Variants in RHOU observed in about 807,000 individuals in gnomAD.
RHOU encodes the protein ras homolog family member U, also known as rho-related GTP-binding protein RhoU.
Under a neutral mutation model 12.6 loss-of-function variants are expected in RHOU, and 8 were observed. That is an observed-to-expected ratio of 0.64 (90% CI 0.37 to 1.15). RHOU has a LOEUF of 1.15. RHOU is among the 50% of genes most tolerant of loss of function. RHOU has a pLI of 0.01. For synonymous variants in RHOU, 161 were observed against 147.4 expected, an observed-to-expected ratio of 1.09 and a Z score of -0.67; for missense variants, 258 against 347.0, an observed-to-expected ratio of 0.74 and a Z score of 2.04.
At chr1:228,671,679 C>G in the RHOU span, among the ~76,000 whole-genome samples, 1 of 138,462 alleles carries the variant, frequency 7.2e-6, no homozygotes, top group Non-Finnish European at 1.5e-5. Flanking sequence ...GGCCACTGCA[C>G]TCCAGCCTGG....
chr1:228,690,401 C>T, the RHOU span, among the ~76,000 whole-genome samples: 1 of 151,882 alleles, frequency 6.6e-6, no homozygotes, highest in South Asian at 2.1e-4. Flanking sequence ...TCTCGGCTCA[C>T]CGCAACCTCC....
At chr1:228,647,840 GAGC>G in the RHOU span, 5 of 152,440 alleles carry the variant, frequency 3.3e-5, no homozygotes, top group African/African-American at 1.2e-4. Flanking sequence ...TGAAAAGAGG[GAGC>G]AGATTTACGG....
At chr1:228,717,826 C>T in the RHOU span, among the ~76,000 whole-genome samples, 1 of 152,198 alleles carries the variant, frequency 6.6e-6, no homozygotes, top group Admixed American at 6.5e-5. Flanking sequence ...ATGGACAGCT[C>T]CCATGAATCC....
chr1:228,735,914 G>A lies in RHOU; in HGVS notation c.172G>A (p.Gly58Ser). The A allele has an allele frequency of 1.3e-6, 2 of 1,560,516 alleles. No homozygotes were observed. Among genetic ancestry groups the A allele is most frequent in the East Asian group, 2.6e-5 (1 of 38,456 alleles). Residue 58 changes from glycine to serine, a missense_variant, in exon 1 of 3, where the codon GGC (glycine) becomes AGC (serine). Physicochemically the swap from Gly to Ser is moderately conservative, Grantham distance 56. Transcript: ENST00000366691. This position sits in a 1 kb window ranked among gnomAD's most constrained non-coding sequence, Gnocchi z 8.1. ...RGVKCVLVGDGAVGKTSLVVS... is the reference protein window; with the variant it reads ...RGVKCVLVGDSAVGKTSLVVS... ...CGTCAAGTGCGTGCTGGTCGGCGAC[G>A]GCGCGGTGGGCAAGACGAGCCTGGT...
chr1:228,674,450 G>A, the RHOU span, among the ~76,000 whole-genome samples: 1 of 150,644 alleles, frequency 6.6e-6, no homozygotes, highest in African/African-American at 2.4e-5. Context: ...AGGTTCAAGC[G>A]ATTCTCCAGC....
At chr1:228,740,530 A>G (rs756850404) in intron 2 of RHOU, among the ~76,000 whole-genome samples, 19 of 152,246 alleles carry the variant, frequency 1.2e-4, no homozygotes, top group Non-Finnish European at 2.1e-4. Flanking sequence ...TGTTTAGACT[A>G]CTAGCCAAGC....
the RHOU span, among the ~76,000 whole-genome samples, chr1:228,674,005 A>G: frequency 1.3e-5 from 2 of 152,210 alleles, no homozygotes; most frequent in Non-Finnish European, 2.9e-5. Context: ...GCTTCCCATC[A>G]TGACAGTTTT....
the RHOU span, among the ~76,000 whole-genome samples, chr1:228,688,074 T>TTTTG: frequency 5.4e-3 from 808 of 150,274 alleles, 8 homozygotes; most frequent in South Asian, 8.4e-3. Context: ...AGAGCAAGGA[T>TTTTG]TTTGTTTGTT....
At chr1:228,703,354 G>A in the RHOU span, among the ~76,000 whole-genome samples, 3 of 151,890 alleles carry the variant, frequency 2.0e-5, no homozygotes, top group East Asian at 1.9e-4. Context: ...GTGAAACCCC[G>A]TCTCTACTAA....
chr1:228,693,966 G>T, the RHOU span, among the ~76,000 whole-genome samples: 3 of 152,190 alleles, frequency 2.0e-5, no homozygotes, highest in Admixed American at 6.5e-5. Flanking sequence ...TATAGAGATT[G>T]TCCATGTTCT....
At chr1:228,736,153 G>A in intron 1 of RHOU, 149 bp downstream of exon 1, 1 of 756,808 alleles carries the variant, frequency 1.3e-6, no homozygotes, top group Non-Finnish European at 2.0e-6. Context: ...GAGGAGTGCA[G>A]GACGTTTCCT....
chr1:228,673,875 T>A, the RHOU span, among the ~76,000 whole-genome samples: 1 of 152,218 alleles, frequency 6.6e-6, no homozygotes, highest in Non-Finnish European at 1.5e-5. Context: ...TTGGAGCACA[T>A]GTGAATACAT....
the RHOU span, among the ~76,000 whole-genome samples, chr1:228,657,310 G>GA: frequency 9.7e-6 from 1 of 103,616 alleles, no homozygotes; most frequent in African/African-American, 3.6e-5. Flanking sequence ...AAAGGAAAAA[G>GA]AAAAAGAATA....
the RHOU span, among the ~76,000 whole-genome samples, chr1:228,669,338 C>A: frequency 2.0e-5 from 3 of 152,284 alleles, no homozygotes; most frequent in South Asian, 6.2e-4. Context: ...TTCCTCCAGG[C>A]CTCAGGCATT....
chr1:228,723,819 CT>C, the RHOU span, among the ~76,000 whole-genome samples: 1 of 152,160 alleles, frequency 6.6e-6, no homozygotes, highest in Admixed American at 6.6e-5. Flanking sequence ...GTATTTTTGC[CT>C]TTTTTCCTTT....
the RHOU span, among the ~76,000 whole-genome samples, chr1:228,670,108 C>T: frequency 0.59 from 89,282 of 152,140 alleles, 28,019 homozygotes; most frequent in African/African-American, 0.82. Context: ...GGTAAGTTAA[C>T]GGCAGTACTG....
At chr1:228,664,795 G>A in the RHOU span, among the ~76,000 whole-genome samples, 80 of 152,150 alleles carry the variant, frequency 5.3e-4, no homozygotes, top group African/African-American at 1.7e-3. Context: ...CACCATGACC[G>A]GCTAATTTTT....
At chr1:228,684,853 C>G in the RHOU span, among the ~76,000 whole-genome samples, 1 of 152,080 alleles carries the variant, frequency 6.6e-6, no homozygotes, top group Non-Finnish European at 1.5e-5. Flanking sequence ...AGCTCAGACC[C>G]TAAGAGAGTG....
At chr1:228,731,303 T>C (rs1269509014), upstream of RHOU, among the ~76,000 whole-genome samples, 3 of 152,070 alleles carry the variant, frequency 2.0e-5, no homozygotes, top group African/African-American at 7.2e-5. Flanking sequence ...ATTTGTTTGG[T>C]GTGGAGGTCT....
Sources: gnomAD v4.1 joint callset for allele counts (sites outside exome capture counted in the v4.1 genomes callset) on GRCh38, gnomAD v4.1.1 for gene constraint, Gnocchi (gnomAD v3.1) non-coding constraint, MANE v1.5 for transcripts, NCBI Gene and HGNC (gene_info 2026-07-23, HGNC 2026-07-21) for gene names.